The following ZNF804A variants were observed in gnomAD, a reference collection of about 807,000 sequenced individuals.
ZNF804A encodes zinc finger protein 804A.
ZNF804A carries 2 observed loss-of-function variants against 16.5 expected under a neutral mutation model. That is an observed-to-expected ratio of 0.12 (90% CI 0.05 to 0.38). The LOEUF is 0.38. Among genes scored for constraint, ZNF804A ranks in the 10% least tolerant of loss-of-function variants. ZNF804A has a pLI of 0.99. For synonymous variants in ZNF804A, 534 were observed against 489.6 expected, an observed-to-expected ratio of 1.09 and a Z score of -1.20; for missense variants, 1,473 against 1,390.7, an observed-to-expected ratio of 1.06 and a Z score of -0.94.
chr2:184,649,205 A>C (rs1267933757), intron 1 of ZNF804A, among the ~76,000 whole-genome samples: 1 of 152,166 alleles, frequency 6.6e-6, no homozygotes, highest in Non-Finnish European at 1.5e-5. Context: ...AAATTAAGGC[A>C]GAATTTTTAA....
chr2:184,602,535 A>G (rs1691066124), intron 1 of ZNF804A, among the ~76,000 whole-genome samples: 1 of 151,988 alleles, frequency 6.6e-6, no homozygotes, highest in Non-Finnish European at 1.5e-5. Context: ...CCTTTTTGGA[A>G]TTGATTTACA....
At chr2:184,656,957 A>T (rs1259408892) in intron 1 of ZNF804A, among the ~76,000 whole-genome samples, 1 of 152,030 alleles carries the variant, frequency 6.6e-6, no homozygotes, top group African/African-American at 2.4e-5. Flanking sequence ...TTTCATTCTA[A>T]TTTATGTTTT....
chr2:184,879,610 A>G (rs541643803), intron 2 of ZNF804A, among the ~76,000 whole-genome samples: 1 of 152,170 alleles, frequency 6.6e-6, no homozygotes, highest in South Asian at 2.1e-4. Flanking sequence ...GAAGGTGAAA[A>G]ATCTTTTGCT....
At position 184,938,634 on chromosome 2, in the gene ZNF804A, C is replaced by A; in HGVS notation, c.3238C>A (p.Pro1080Thr). ...AGCTGCCCTCCCACCCCCTAGCACA[C>A]CTCTGCAGCCTTTGCCTTTGCAGCA... ...PPAALPPPST[P>T]LQPLPLQQSL... The change falls in exon 4 of 4, where the codon CCT (proline) becomes ACT (threonine). Residue 1080 changes from proline (P) to threonine (T), a missense_variant. Coordinates refer to ENST00000302277, the MANE Select transcript of ZNF804A (RefSeq NM_194250.2). 1 of 1,614,036 alleles carries A rather than the reference C, an allele frequency of 6.2e-7. No homozygotes were observed. The highest frequency in any genetic ancestry group is 8.5e-7 in the Non-Finnish European group (1 of 1,179,980).
At chr2:184,798,008 G>GTA (rs1694662559) in intron 1 of ZNF804A, among the ~76,000 whole-genome samples, 1 of 50,458 alleles carries the variant, frequency 2.0e-5, no homozygotes, top group African/African-American at 7.9e-5. Flanking sequence ...GCTGATATAT[G>GTA]TGTGTGTGTG....
intron 2 of ZNF804A, among the ~76,000 whole-genome samples, chr2:184,905,204 C>G (rs1685251398): frequency 6.6e-6 from 1 of 152,046 alleles, no homozygotes; most frequent in Non-Finnish European, 1.5e-5. Flanking sequence ...TTAAATCCTG[C>G]TGCTTAAAAG....
intron 1 of ZNF804A, among the ~76,000 whole-genome samples, chr2:184,824,511 A>G (rs1574229333): frequency 6.6e-6 from 1 of 151,000 alleles, no homozygotes; most frequent in East Asian, 1.9e-4. Context: ...TTAGTGTGCT[A>G]TGATTACTAT....
At chr2:184,665,915 C>T (rs983230788) in intron 1 of ZNF804A, among the ~76,000 whole-genome samples, 1 of 152,184 alleles carries the variant, frequency 6.6e-6, no homozygotes, top group Non-Finnish European at 1.5e-5. Context: ...CCTTTCCTGC[C>T]TCCTTCTTCC....
intron 1 of ZNF804A, among the ~76,000 whole-genome samples, chr2:184,769,131 C>T (rs545179597): frequency 6.6e-6 from 1 of 152,156 alleles, no homozygotes; most frequent in East Asian, 1.9e-4. Flanking sequence ...TGCTTCACAG[C>T]CACTTACTGC....
chr2:184,729,786 T>C (rs1377429859), intron 1 of ZNF804A, among the ~76,000 whole-genome samples: 1 of 152,104 alleles, frequency 6.6e-6, no homozygotes, highest in Non-Finnish European at 1.5e-5. Context: ...CATGCCAACA[T>C]AAAACACTAT....
intron 1 of ZNF804A, among the ~76,000 whole-genome samples, chr2:184,765,615 C>A (rs1236800142): frequency 6.9e-6 from 1 of 145,830 alleles, no homozygotes; most frequent in East Asian, 2.0e-4. Flanking sequence ...ACCCCCCCCC[C>A]TTAGAGTCGT....
intron 1 of ZNF804A, among the ~76,000 whole-genome samples, chr2:184,616,317 G>A (rs1691318428): frequency 1.3e-5 from 2 of 151,930 alleles, no homozygotes; most frequent in Non-Finnish European, 2.9e-5. Context: ...TCTGTAAATA[G>A]CAAAAACTAC....
intron 1 of ZNF804A, among the ~76,000 whole-genome samples, chr2:184,785,946 G>A (rs967482209): frequency 6.6e-6 from 1 of 151,966 alleles, no homozygotes; most frequent in Admixed American, 6.6e-5. Flanking sequence ...AGAATCTGGG[G>A]CAGAAATGAT....
At chr2:184,668,392 A>G (rs1456057113) in intron 1 of ZNF804A, among the ~76,000 whole-genome samples, 1 of 150,684 alleles carries the variant, frequency 6.6e-6, no homozygotes, top group Non-Finnish European at 1.5e-5. Context: ...AATTACAAAT[A>G]AAATATAATA....
intron 1 of ZNF804A, among the ~76,000 whole-genome samples, chr2:184,793,491 T>G (rs144208659): frequency 0.036 from 5,543 of 152,200 alleles, 330 homozygotes; most frequent in African/African-American, 0.12. Flanking sequence ...GGTATCTCAT[T>G]GTGGTTTTGA....
chr2:184,751,596 C>A (rs1276177676), intron 1 of ZNF804A, among the ~76,000 whole-genome samples: 1 of 151,308 alleles, frequency 6.6e-6, no homozygotes, highest in East Asian at 1.9e-4. Context: ...ATGATGAATA[C>A]CCCCAAAACA....
At chr2:184,636,606 C>T (rs949533781) in intron 1 of ZNF804A, among the ~76,000 whole-genome samples, 2 of 150,044 alleles carry the variant, frequency 1.3e-5, no homozygotes, top group African/African-American at 4.9e-5. Flanking sequence ...TTAGTGTGTT[C>T]CCCCAGTCAT....
chr2:184,868,697 TCCTAATGA>T lies in ZNF804A; in HGVS notation c.255+2189_255+2196del, dbSNP rs567923624. On this transcript the variant is annotated intron_variant, in intron 2 of 3. Coordinates refer to ENST00000302277, the MANE Select transcript of ZNF804A (RefSeq NM_194250.2). ...AGAGTATGGAAATAGCAATTTTGAT[TCCTAATGA>T]CCTTCAGATTCCTAAAAGCTGTCTT... 7.8e-4 allele frequency among the ~76,000 whole-genome samples: 118 copies of T among 152,158 alleles called. 2 individuals carry two copies. The East Asian group carries it at 0.018, about 23-fold the overall frequency.
rs1694640428 is a variant in ZNF804A at position 184,797,063 on chromosome 2, G to C, written c.112-69306G>C. Among the ~76,000 whole-genome samples the C allele has an allele frequency of 6.6e-5, 10 of 152,082 alleles. 2 individuals are homozygous for C. Among genetic ancestry groups the C allele is most frequent in the Admixed American group, 3.3e-4 (5 of 15,270 alleles). On this transcript the variant is annotated intron_variant, in intron 1 of 3. Transcript: ENST00000302277. ...GGCCTATCATATGGTCTATGTTGAA[G>C]AAATTTCTATGCACTGTTGAATAGA...
Sources: allele counts gnomAD v4.1 joint callset (sites outside exome capture counted in the v4.1 genomes callset), GRCh38; gene constraint gnomAD v4.1.1; transcripts MANE v1.5; gene names NCBI Gene and HGNC (gene_info 2026-07-23, HGNC 2026-07-21).